The following PIK3AP1 variants were observed in gnomAD, a reference collection of about 807,000 sequenced individuals.
PIK3AP1 encodes phosphoinositide-3-kinase adaptor protein 1.
Under a neutral mutation model 88.1 loss-of-function variants are expected in PIK3AP1, and 21 were observed. The ratio of observed to expected loss-of-function variants is 0.24; its 90% CI spans 0.17 to 0.34. The LOEUF (loss-of-function observed/expected upper bound fraction) is 0.34, where lower values mean the gene tolerates loss of function less well. Ranked by LOEUF, PIK3AP1 falls within the 10% of genes least tolerant of loss-of-function variation. The probability of loss-of-function intolerance (pLI) is 1.00; values close to 1 mark genes in which losing one functional copy is unlikely to be tolerated. For missense variants in PIK3AP1, 828 were observed against 1,035.7 expected, an observed-to-expected ratio of 0.80 and a Z score of 2.75; for synonymous variants, 398 against 400.0, an observed-to-expected ratio of 1.00 and a Z score of 0.06.
intron 2 of PIK3AP1, among the ~76,000 whole-genome samples, chr10:96,679,485 G>A (rs901004758): frequency 2.0e-5 from 3 of 151,488 alleles, no homozygotes; most frequent in African/African-American, 7.3e-5. Flanking sequence ...CCGAGATCTC[G>A]CTGCTGCACT....
chr10:96,638,038 G>A (rs151173711), intron 8 of PIK3AP1, among the ~76,000 whole-genome samples: 1 of 152,170 alleles, frequency 6.6e-6, no homozygotes, highest in Non-Finnish European at 1.5e-5. Flanking sequence ...ATGCTGGAAC[G>A]AGTTAAGAGT....
At chr10:96,704,438 C>G (rs912426444) in intron 2 of PIK3AP1, among the ~76,000 whole-genome samples, 4 of 152,222 alleles carry the variant, frequency 2.6e-5, no homozygotes, top group Non-Finnish European at 5.9e-5. Context: ...CAGAATCTGG[C>G]TGGGTGCGGT....
intron 8 of PIK3AP1, among the ~76,000 whole-genome samples, chr10:96,639,923 C>G (rs983720996): frequency 1.3e-5 from 2 of 152,212 alleles, no homozygotes; most frequent in African/African-American, 4.8e-5. Context: ...CTGTGAGGTC[C>G]TTTACAGTCC....
chr10:96,691,237 C>T (rs1844150853), intron 2 of PIK3AP1, among the ~76,000 whole-genome samples: 1 of 152,206 alleles, frequency 6.6e-6, no homozygotes. Flanking sequence ...CCACTCTCCC[C>T]ACCTCCCGCA....
At position 96,651,514 on chromosome 10, in the gene PIK3AP1, A is replaced by T; in HGVS notation, c.850T>A (p.Cys284Ser). Residue 284 changes from cysteine to serine, a missense_variant, in exon 5 of 17, where the codon TGT becomes AGT. Around this residue, in one of 3 missense-constraint regions of PIK3AP1, gnomAD observed 610 missense variants for 760.1 expected, o/e 0.80. Coordinates refer to ENST00000339364, the MANE Select transcript of PIK3AP1 (RefSeq NM_152309.3). Reference sequence around the variant, plus strand: ...TTTCCTTGTAATATCCTTACCTGACACATGAATTCCACAGGATTCGCGGCA... The same window carrying T: ...TTTCCTTGTAATATCCTTACCTGACTCATGAATTCCACAGGATTCGCGGCA... ...SNAANPVEFMCQAFKIVPYNT... is the reference protein window; with the variant it reads ...SNAANPVEFMSQAFKIVPYNT... 2 of 1,614,214 alleles carry T rather than the reference A, an allele frequency of 1.2e-6. No homozygotes were observed. Among genetic ancestry groups the T allele is most frequent in the Non-Finnish European group, 1.7e-6 (2 of 1,180,034 alleles).
intron 12 of PIK3AP1, 82 bp from the exon 13 acceptor site, chr10:96,616,793 C>T: frequency 7.4e-7 from 1 of 1,342,352 alleles, no homozygotes; most frequent in Non-Finnish European, 1.1e-6. Flanking sequence ...AGATTGTATG[C>T]TGTTTGCAGG....
chr10:96,668,399 G>A (rs1240163803), intron 2 of PIK3AP1, among the ~76,000 whole-genome samples: 1 of 152,162 alleles, frequency 6.6e-6, no homozygotes, highest in African/African-American at 2.4e-5. Context: ...CTTCCATTTT[G>A]TTAAACTAAT....
intron 2 of PIK3AP1, among the ~76,000 whole-genome samples, chr10:96,657,588 G>A (rs565302930): frequency 6.6e-6 from 1 of 152,246 alleles, no homozygotes; most frequent in Non-Finnish European, 1.5e-5. Flanking sequence ...ACCTACCAGA[G>A]CTCTAAGGCA....
rs779472169 is a variant in PIK3AP1, at chr10:96,595,561, GT to G, written c.*15del. On this transcript the variant is annotated 3_prime_UTR_variant, in exon 17 of 17. Transcript: ENST00000339364. ...AGTCTTAAAGTCCTGAAGTAGGCAGGTTTTAGGAGGTGGAATCAGCGTCCTC... is the reference window on the plus strand; with the variant it reads ...AGTCTTAAAGTCCTGAAGTAGGCAGGTTTAGGAGGTGGAATCAGCGTCCTC... 1.2e-6 allele frequency: 2 copies of G among 1,612,516 alleles called. No individual in the cohort carries two copies. Among genetic ancestry groups the G allele is most frequent in the South Asian group, 2.2e-5 (2 of 90,774 alleles).
At chr10:96,613,163 T>A (rs1422377122) in intron 13 of PIK3AP1, among the ~76,000 whole-genome samples, 1 of 151,552 alleles carries the variant, frequency 6.6e-6, no homozygotes, top group African/African-American at 2.4e-5. Flanking sequence ...CACACCCAGC[T>A]AATTTTTGTA....
intron 2 of PIK3AP1, among the ~76,000 whole-genome samples, chr10:96,688,872 T>A (rs532423140): frequency 4.5e-4 from 68 of 152,108 alleles, no homozygotes; most frequent in African/African-American, 1.5e-3. Flanking sequence ...ATCTGGCTAA[T>A]TAAAATACGC....
intron 3 of PIK3AP1, among the ~76,000 whole-genome samples, chr10:96,654,030 G>C (rs921977543): frequency 6.6e-6 from 1 of 152,188 alleles, no homozygotes; most frequent in East Asian, 1.9e-4. Flanking sequence ...CACTGAGCCA[G>C]AGTCTGCATC....
intron 8 of PIK3AP1, among the ~76,000 whole-genome samples, chr10:96,639,132 A>G (rs1294233730): frequency 1.3e-5 from 2 of 152,180 alleles, no homozygotes; most frequent in African/African-American, 4.8e-5. Context: ...TGTAGTGACC[A>G]ATGGAGTTAC....
chr10:96,606,025 G>A (rs1848996501), intron 14 of PIK3AP1, among the ~76,000 whole-genome samples: 1 of 152,218 alleles, frequency 6.6e-6, no homozygotes, highest in Non-Finnish European at 1.5e-5. Context: ...AGAGATTGCA[G>A]TGAGCCGATA....
chr10:96,646,937 T>A (rs377595106), intron 7 of PIK3AP1, among the ~76,000 whole-genome samples: 8 of 152,214 alleles, frequency 5.3e-5, no homozygotes, highest in African/African-American at 1.9e-4. Flanking sequence ...AGATAGCTAA[T>A]CTTTTATTGA....
At chr10:96,597,315 C>CTTCCTTCG (rs1554951141) in intron 16 of PIK3AP1, among the ~76,000 whole-genome samples, 39 of 129,222 alleles carry the variant, frequency 3.0e-4, no homozygotes, top group African/African-American at 6.2e-4. Context: ...TCCTTCCTTC[C>CTTCCTTCG]TTCCTTCCTT....
chr10:96,603,432 A>T (rs2134182417), intron 15 of PIK3AP1, among the ~76,000 whole-genome samples: 1 of 152,280 alleles, frequency 6.6e-6, no homozygotes, highest in Admixed American at 6.5e-5. Flanking sequence ...CCCACCCTTA[A>T]TCTGCGTGGG....
chr10:96,712,845 G>GA (rs1381764946), intron 1 of PIK3AP1, among the ~76,000 whole-genome samples: 5 of 152,300 alleles, frequency 3.3e-5, no homozygotes, highest in African/African-American at 1.2e-4. Flanking sequence ...ATGCAAAAGT[G>GA]AAAAAGGGTA....
At position 96,595,359 on chromosome 10, in the gene PIK3AP1, C is replaced by T; in HGVS notation, c.*218G>A. ...GCAAACAAGTATATGGTTCGATATA[C>T]TTGGTGATGGTGAATGAAGCCCTTA... On this transcript the variant is annotated 3_prime_UTR_variant, in exon 17 of 17. Transcript: ENST00000339364. 2 of 571,144 alleles carry T rather than the reference C, an allele frequency of 3.5e-6. No individual in the cohort carries two copies. The highest frequency in any genetic ancestry group is 3.0e-5 in the East Asian group (1 of 33,888). The allele number at this position is 571,144 out of a possible 1,614,324, so 35.4% of individuals were successfully genotyped here.
Sources: allele counts gnomAD v4.1 joint callset (sites outside exome capture counted in the v4.1 genomes callset), GRCh38; gene constraint gnomAD v4.1.1; regional missense constraint gnomAD v4.1.1; transcripts MANE v1.5; gene names NCBI Gene and HGNC (gene_info 2026-07-23, HGNC 2026-07-21).